ESYT3: variants seen among roughly 807,000 people sequenced by gnomAD.
ESYT3 encodes extended synaptotagmin-3.
Under a neutral mutation model 111.5 loss-of-function variants are expected in ESYT3, and 101 were observed. That is an observed-to-expected ratio of 0.91 (90% CI 0.77 to 1.07). The LOEUF (loss-of-function observed/expected upper bound fraction) is 1.07. Among genes scored for constraint, ESYT3 ranks in the 50% least tolerant of loss-of-function variants. The pLI is 0.00. For synonymous variants in ESYT3, 416 were observed against 446.8 expected, an observed-to-expected ratio of 0.93 and a Z score of 0.87; for missense variants, 1,097 against 1,109.4, an observed-to-expected ratio of 0.99 and a Z score of 0.16.
intron 1 of ESYT3, among the ~76,000 whole-genome samples, chr3:138,436,015 C>T (rs2108586584): frequency 6.6e-6 from 1 of 152,282 alleles, no homozygotes; most frequent in South Asian, 2.1e-4. Context: ...GGGGAGGTCG[C>T]CAGACCCCTC....
In ESYT3 at chr3:138,440,102, C is replaced by T. The variant is rs144193737; in HGVS notation, c.327+4977C>T. On this transcript the variant is annotated intron_variant, in intron 1 of 22. Transcript: ENST00000389567. The surrounding 1 kb of genome is among the most constrained non-coding windows in gnomAD (Gnocchi z 4.2). ...AGGGTCTGCCATCATTAACCAGTCC[C>T]GAGCCTGCTTTTCTCTGGTGACACA... 2.6e-5 allele frequency among the ~76,000 whole-genome samples: 4 copies of T among 152,296 alleles called. No individual in the cohort carries two copies. The highest frequency in any genetic ancestry group is 9.6e-5 in the African/African-American group (4 of 41,554).
intron 3 of ESYT3, among the ~76,000 whole-genome samples, chr3:138,456,665 G>A (rs2032294755): frequency 6.6e-6 from 1 of 152,294 alleles, no homozygotes. Context: ...AACTGCGCAT[G>A]TGAGGGATCT....
intron 1 of ESYT3, among the ~76,000 whole-genome samples, chr3:138,437,819 G>C (rs141839146): frequency 1.7e-3 from 259 of 152,184 alleles, no homozygotes; most frequent in African/African-American, 5.9e-3. Flanking sequence ...GGATCCAGGG[G>C]TCTTCAGGGT....
At chr3:138,468,231 G>C (rs766992245) in intron 12 of ESYT3, 37 bp downstream of exon 12, 1 of 1,597,352 alleles carries the variant, frequency 6.3e-7, no homozygotes, top group Non-Finnish European at 8.6e-7. Context: ...TTGCAGAAAG[G>C]TGGAGGAGCA....
chr3:138,475,822 G>A (rs895130885), intron 20 of ESYT3, among the ~76,000 whole-genome samples: 2 of 152,152 alleles, frequency 1.3e-5, no homozygotes, highest in African/African-American at 2.4e-5. Flanking sequence ...CCAGCTACTC[G>A]GGAGGCTGAG....
chr3:138,452,030 T>A lies in ESYT3; in HGVS notation c.328-18T>A, dbSNP rs1001609120. 10 of 1,613,480 alleles carry A rather than the reference T, an allele frequency of 6.2e-6. No individual in the cohort carries two copies. In the African/African-American group the frequency reaches 1.2e-4, roughly 19 times the overall value. On this transcript the variant is annotated intron_variant, in intron 1 of 22. Transcript: ENST00000389567. ...GTGCGGCTTCTAGTCTAACTTCCCCTCGGGGCTTCTTTCCTAGATCCACTT... is the reference window on the plus strand; with the variant it reads ...GTGCGGCTTCTAGTCTAACTTCCCCACGGGGCTTCTTTCCTAGATCCACTT...
chr3:138,453,993 G>A (rs2032111627), intron 2 of ESYT3, among the ~76,000 whole-genome samples: 2 of 152,216 alleles, frequency 1.3e-5, no homozygotes, highest in African/African-American at 4.8e-5. Flanking sequence ...GCTAGGGAAT[G>A]CTTTTTGATG....
chr3:138,442,701 T>C (rs2108593879), intron 1 of ESYT3, among the ~76,000 whole-genome samples: 1 of 152,354 alleles, frequency 6.6e-6, no homozygotes, highest in Non-Finnish European at 1.5e-5. Flanking sequence ...GTGTATGTCT[T>C]GTACATATCT....
At position 138,464,429 on chromosome 3, in the gene ESYT3, T is replaced by C. The variant is rs1337730130; in HGVS notation, c.1000T>C (p.Tyr334His). Residue 334 changes from tyrosine (Y) to histidine (H), a missense_variant, in exon 9 of 23, where the codon TAC (tyrosine) becomes CAC (histidine). Physicochemically the swap from Tyr to His is moderately conservative, Grantham distance 83. Transcript: ENST00000389567. ...GGGGCTCCGAGGCAAGTCAGATCCC[T>C]ACGCCAAGGTGAGCATCGGCCTACA... Reference protein sequence around the residue: ...FLGLRGKSDPYAKVSIGLQHF... With the variant: ...FLGLRGKSDPHAKVSIGLQHF... 4 of 1,614,058 alleles carry C rather than the reference T, an allele frequency of 2.5e-6. No individual in the cohort carries two copies. Among genetic ancestry groups the C allele is most frequent in the Admixed American group, 1.7e-5 (1 of 60,004 alleles).
chr3:138,444,512 T>G (rs2031394947), intron 1 of ESYT3, among the ~76,000 whole-genome samples: 1 of 152,196 alleles, frequency 6.6e-6, no homozygotes, highest in Non-Finnish European at 1.5e-5. Flanking sequence ...CATCTAGAAG[T>G]CCACTGTTTC....
intron 3 of ESYT3, 106 bp downstream of exon 3, chr3:138,455,434 A>T: frequency 7.7e-7 from 1 of 1,304,370 alleles, no homozygotes; most frequent in South Asian, 1.4e-5. Context: ...GACTGCAGAG[A>T]TCCCACTGGA....
intron 10 of ESYT3, 66 bp downstream of exon 10, chr3:138,465,487 A>C: frequency 7.7e-7 from 1 of 1,298,460 alleles, no homozygotes; most frequent in Middle Eastern, 2.6e-4. Flanking sequence ...GCTGGGCTAG[A>C]TACCCTGCTC....
rs150090312 is a variant in ESYT3 at position 138,466,534 on chromosome 3, A to G, written c.1170-1027A>G. Among the ~76,000 whole-genome samples the G allele has an allele frequency of 7.4e-4, 113 of 152,290 alleles. 1 individual carries two copies. The East Asian group carries it at 0.02, about 28-fold the overall frequency. On this transcript the variant is annotated intron_variant, in intron 10 of 22. Coordinates refer to ENST00000389567, the MANE Select transcript of ESYT3 (RefSeq NM_031913.5). ...GTGGCTTGTGGGTCATGCTTTATGT[A>G]TTAGTAACTGATTTCAGGTGTGTTT...
At chr3:138,453,740 G>T (rs1318889465) in intron 2 of ESYT3, among the ~76,000 whole-genome samples, 2 of 152,198 alleles carry the variant, frequency 1.3e-5, no homozygotes, top group African/African-American at 4.8e-5. Flanking sequence ...TACAAGGTTT[G>T]CCCAGAGGCG....
chr3:138,453,709 AAC>A (rs2032089589), intron 2 of ESYT3, among the ~76,000 whole-genome samples: 1 of 152,194 alleles, frequency 6.6e-6, no homozygotes, highest in South Asian at 2.1e-4. Context: ...TGAACCAGCT[AAC>A]ACAGTGCAGG....
chr3:138,441,262 G>C (rs1287040211), intron 1 of ESYT3, among the ~76,000 whole-genome samples: 2 of 152,188 alleles, frequency 1.3e-5, no homozygotes, highest in Non-Finnish European at 2.9e-5. Flanking sequence ...TTTACAAGGG[G>C]CTGAATCTTT....
At chr3:138,475,033 G>C (rs754596831) in intron 20 of ESYT3, among the ~76,000 whole-genome samples, 2 of 152,098 alleles carry the variant, frequency 1.3e-5, no homozygotes, top group Non-Finnish European at 2.9e-5. Flanking sequence ...TTTTAAAAAG[G>C]GTTACACTGA....
At chr3:138,452,358 A>G (rs1430977266) in intron 2 of ESYT3, among the ~76,000 whole-genome samples, 1 of 152,224 alleles carries the variant, frequency 6.6e-6, no homozygotes, top group East Asian at 1.9e-4. Context: ...CCAGGCCAGG[A>G]GCTGTACTTT....
At chr3:138,445,395 C>T (rs1302308147) in intron 1 of ESYT3, among the ~76,000 whole-genome samples, 3 of 152,214 alleles carry the variant, frequency 2.0e-5, no homozygotes, top group Non-Finnish European at 4.4e-5. Context: ...GGCAGAGTTT[C>T]ACATGGGCGC....
Sources: allele counts gnomAD v4.1 joint callset (sites outside exome capture counted in the v4.1 genomes callset), GRCh38; gene constraint gnomAD v4.1.1; non-coding constraint Gnocchi (gnomAD v3.1); transcripts MANE v1.5; gene names NCBI Gene and HGNC (gene_info 2026-07-23, HGNC 2026-07-21).